ANO1: variants seen among roughly 807,000 people sequenced by gnomAD.
The protein encoded by ANO1 is anoctamin-1.
In ANO1, 59 loss-of-function variants were observed where a neutral mutation model predicts 124.0. That is an observed-to-expected ratio of 0.48 (90% confidence interval 0.39 to 0.59). The LOEUF (loss-of-function observed/expected upper bound fraction) is 0.59, where lower values mean the gene tolerates loss of function less well. Among genes scored for constraint, ANO1 ranks in the 20% least tolerant of loss-of-function variants. The probability of loss-of-function intolerance (pLI) is 0.00; values close to 1 mark genes in which losing one functional copy is unlikely to be tolerated. For synonymous variants in ANO1, 529 were observed against 532.0 expected, an observed-to-expected ratio of 0.99 and a Z score of 0.08; for missense variants, 1,059 against 1,328.0, an observed-to-expected ratio of 0.80 and a Z score of 3.15.
intron 25 of ANO1, among the ~76,000 whole-genome samples, chr11:70,186,641 C>T (rs1029241441): frequency 3.3e-5 from 5 of 152,258 alleles, no homozygotes; most frequent in African/African-American, 9.6e-5. Context: ...AGCTGTGCAC[C>T]GGCAGCTGAG....
At chr11:70,069,055 G>A (rs1043732200) in intron 1 of ANO1, among the ~76,000 whole-genome samples, 3 of 152,224 alleles carry the variant, frequency 2.0e-5, no homozygotes, top group Admixed American at 2.0e-4. Context: ...CCTCCACAGG[G>A]TCCCCCTGCC....
At chr11:70,106,399 T>TTCCC (rs2045548395) in intron 5 of ANO1, among the ~76,000 whole-genome samples, 1 of 152,204 alleles carries the variant, frequency 6.6e-6, no homozygotes, top group Non-Finnish European at 1.5e-5. Flanking sequence ...ACTTTCGCTG[T>TTCCC]TATTCTCTAT....
At chr11:69,972,717 T>C in the ANO1 span, among the ~76,000 whole-genome samples, 1 of 152,012 alleles carries the variant, frequency 6.6e-6, no homozygotes, top group African/African-American at 2.4e-5. Context: ...ACAGCACGCC[T>C]CAGAGAGTTC....
intron 11 of ANO1, among the ~76,000 whole-genome samples, chr11:70,138,516 A>T (rs1309154648): frequency 2.0e-5 from 3 of 151,776 alleles, no homozygotes; most frequent in Non-Finnish European, 2.9e-5. Flanking sequence ...CAAAAAAAAA[A>T]AAAAGAAAAG....
chr11:70,187,692 C>T (rs956553343), intron 25 of ANO1, 46 bp from the exon 26 acceptor site: 1 of 1,567,628 alleles, frequency 6.4e-7, no homozygotes, highest in Non-Finnish European at 8.7e-7. Flanking sequence ...GGAGCACTTC[C>T]CCAGGCGCCA....
At chr11:70,056,111 T>G (rs990142896) in intron 1 of ANO1, 1 of 152,114 alleles carries the variant, frequency 6.6e-6, no homozygotes, top group Non-Finnish European at 1.5e-5. Context: ...TTTCCAATGT[T>G]CTTTATTCTC....
chr11:70,128,309 C>A (rs1214119790), intron 10 of ANO1, among the ~76,000 whole-genome samples: 1 of 152,108 alleles, frequency 6.6e-6, no homozygotes, highest in Non-Finnish European at 1.5e-5. Context: ...TGGTAAAGAT[C>A]AAGGTAGTCC....
In ANO1 at chr11:70,078,414, G is replaced by C. The variant is rs1443297613; in HGVS notation, c.-193G>C. 1 of 150,740 alleles carries C rather than the reference G, an allele frequency of 6.6e-6. No individual in the cohort carries two copies. Among genetic ancestry groups the C allele is most frequent in the Middle Eastern group, 3.4e-3 (1 of 294 alleles). The allele number at this position is 150,740 out of a possible 1,614,324, so 9.3% of individuals were successfully genotyped here. A position where few individuals can be genotyped will look rare whatever the true frequency, so the allele number is the denominator to read the frequency against. ...GAGAGGCTCAGGCGCCCCCCGCATC[G>C]AGCGCGCGGGCCGGGCGGGCCAGGG... is the stretch of plus-strand genomic sequence containing the variant. On this transcript the variant is annotated 5_prime_UTR_variant, in exon 1 of 26. Coordinates refer to ENST00000355303, the MANE Select transcript of ANO1 (RefSeq NM_018043.7).
At position 70,189,053 on chromosome 11, in the gene ANO1, A is replaced by G. The variant is rs1317983067; in HGVS notation, c.*1049A>G. On this transcript the variant is annotated 3_prime_UTR_variant, in exon 26 of 26. Coordinates refer to ENST00000355303, the MANE Select transcript of ANO1 (RefSeq NM_018043.7). ...GCTTATATTTTGGTAACACTTCTCT[A>G]TATTTTTACTCACAGGAATGTCACT... The G allele has an allele frequency of 6.6e-6, 1 of 152,552 alleles. No homozygotes were observed. Among genetic ancestry groups the G allele is most frequent in the Non-Finnish European group, 1.5e-5 (1 of 68,016 alleles). 9.4% of individuals were successfully genotyped at this position (152,552 alleles called of 1,614,324 possible).
At chr11:70,177,578 C>CTTTTT (rs2048755741) in intron 22 of ANO1, among the ~76,000 whole-genome samples, 1 of 131,754 alleles carries the variant, frequency 7.6e-6, no homozygotes, top group African/African-American at 2.8e-5. Context: ...CTCGATTTTT[C>CTTTTT]TTTTCTTTTT....
upstream of ANO1, chr11:70,075,186 C>T (rs185060178): frequency 2.8e-4 from 42 of 152,278 alleles, no homozygotes; most frequent in Admixed American, 2.0e-3. Flanking sequence ...CAGCTTGGCC[C>T]GTGCTCTGAG....
chr11:70,057,249 C>T (rs61886436), intron 1 of ANO1, among the ~76,000 whole-genome samples: 2,004 of 152,242 alleles, frequency 0.013, 16 homozygotes, highest in Non-Finnish European at 0.016. Flanking sequence ...TCTCTTCTTC[C>T]GAGAGGATTC....
intron 9 of ANO1, among the ~76,000 whole-genome samples, chr11:70,125,002 G>T (rs906507511): frequency 4.6e-5 from 7 of 152,250 alleles, no homozygotes; most frequent in African/African-American, 1.7e-4. Flanking sequence ...ACAGCCATCA[G>T]CATGGGCCAT....
intron 1 of ANO1, among the ~76,000 whole-genome samples, chr11:70,070,975 C>T (rs1051645038): frequency 3.3e-5 from 5 of 152,194 alleles, no homozygotes; most frequent in Non-Finnish European, 5.9e-5. Context: ...TACCCAACCG[C>T]ATCGCTTCCA....
intron 9 of ANO1, 135 bp downstream of exon 9, chr11:70,124,549 G>T (rs551275392): frequency 7.1e-6 from 6 of 843,450 alleles, no homozygotes; most frequent in Non-Finnish European, 1.1e-5. Context: ...TGTGTAGGAA[G>T]ACCCAAAATG....
chr11:70,017,443 T>C (rs1856721585), intron 1 of ANO1, among the ~76,000 whole-genome samples: 1 of 142,900 alleles, frequency 7.0e-6, no homozygotes, highest in Non-Finnish European at 1.5e-5. Context: ...CCTTCCTTCC[T>C]TCATTCCTTC....
intron 18 of ANO1, 103 bp downstream of exon 18, chr11:70,161,836 G>T: frequency 1.8e-6 from 2 of 1,134,388 alleles, no homozygotes; most frequent in South Asian, 2.7e-5. Context: ...GGGCAGGGCA[G>T]ACACCGTGGC....
chr11:69,969,368 A>G, the ANO1 span, among the ~76,000 whole-genome samples: 1 of 152,174 alleles, frequency 6.6e-6, no homozygotes, highest in African/African-American at 2.4e-5. Context: ...GACCTGGGGC[A>G]AATCTGGGGA....
chr11:70,145,296 C>T (rs1487467307), intron 11 of ANO1, among the ~76,000 whole-genome samples: 1 of 152,176 alleles, frequency 6.6e-6, no homozygotes, highest in Non-Finnish European at 1.5e-5. Context: ...TCACTGCCCA[C>T]AAAAGCCAGA....
Sources: gnomAD v4.1 joint callset for allele counts (sites outside exome capture counted in the v4.1 genomes callset) on GRCh38, gnomAD v4.1.1 for gene constraint, MANE v1.5 for transcripts, NCBI Gene and HGNC (gene_info 2026-07-23, HGNC 2026-07-21) for gene names.